Variants in GABRB1 observed in about 807,000 individuals in gnomAD.
The protein encoded by GABRB1 is gamma-aminobutyric acid type A receptor subunit beta1.
GABRB1 carries 17 observed loss-of-function variants against 51.6 expected under a neutral mutation model. The observed-to-expected ratio is 0.33, with a 90% confidence interval of 0.23 to 0.49. The LOEUF (loss-of-function observed/expected upper bound fraction) is 0.49, where lower values mean the gene tolerates loss of function less well. GABRB1 is among the 20% of genes least tolerant of loss of function. The pLI is 0.99. For missense variants in GABRB1, 410 were observed against 600.6 expected (o/e 0.68, Z 3.32); for synonymous variants, 247 against 218.9 (o/e 1.13, Z -1.14).
intron 3 of GABRB1, among the ~76,000 whole-genome samples, chr4:47,118,320 C>T (rs1715597357): frequency 6.6e-6 from 1 of 152,102 alleles, no homozygotes; most frequent in Non-Finnish European, 1.5e-5. Flanking sequence ...ACTAAAGAGA[C>T]TCATTCACAG....
In GABRB1 at chr4:47,080,564, T is replaced by A. The variant is rs192187888; in HGVS notation, c.240+48080T>A. 5.6e-3 allele frequency among the ~76,000 whole-genome samples: 853 copies of A among 152,180 alleles called. 7 individuals carry two copies. Among genetic ancestry groups the A allele is most frequent in the African/African-American group, 0.019 (778 of 41,512 alleles). On this transcript the variant is annotated intron_variant, in intron 3 of 8. Coordinates refer to ENST00000295454, the MANE Select transcript of GABRB1 (RefSeq NM_000812.4). ...CCTAAGTAACTCAAGTTCTTTTTTT[T>A]TAAAAAAAATTACTTTATTATGTCT...
intron 3 of GABRB1, among the ~76,000 whole-genome samples, chr4:47,045,711 A>G (rs1726054144): frequency 1.3e-5 from 2 of 151,974 alleles, no homozygotes; most frequent in African/African-American, 4.8e-5. Flanking sequence ...CTAAGGGCTC[A>G]TTTATGAGGG....
At chr4:47,333,824 T>A (rs558850031) in intron 5 of GABRB1, among the ~76,000 whole-genome samples, 1 of 152,336 alleles carries the variant, frequency 6.6e-6, no homozygotes, top group Admixed American at 6.5e-5. Flanking sequence ...TTAATCTTCA[T>A]CCCACCACAC....
chr4:47,273,941 T>C lies in GABRB1; in HGVS notation c.462-46186T>C, dbSNP rs942985765. On this transcript the variant is annotated intron_variant, in intron 4 of 8. Transcript: ENST00000295454. ...TTTTCTCTCTTCCTATGTGTGTATA[T>C]GTACACACACATACATTGAAAGATT... Among the ~76,000 whole-genome samples the C allele has an allele frequency of 2.0e-5, 3 of 151,974 alleles. No homozygotes were observed. The East Asian group carries it at 5.8e-4, about 29-fold the overall frequency.
chr4:47,117,183 TA>T, intron 3 of GABRB1, among the ~76,000 whole-genome samples: 1 of 152,356 alleles, frequency 6.6e-6, no homozygotes, highest in South Asian at 2.1e-4. Context: ...TAAAGATTTT[TA>T]TCTTTTTATG....
intron 5 of GABRB1, among the ~76,000 whole-genome samples, chr4:47,374,344 G>A (rs916596873): frequency 4.6e-5 from 7 of 152,030 alleles, no homozygotes; most frequent in South Asian, 2.1e-4. Flanking sequence ...AGTCGTGATC[G>A]TAACACTGCA....
intron 5 of GABRB1, among the ~76,000 whole-genome samples, chr4:47,386,758 T>TA (rs978012485): frequency 2.6e-5 from 4 of 152,214 alleles, no homozygotes; most frequent in African/African-American, 9.6e-5. Flanking sequence ...AACAGACACT[T>TA]AAGCTGATGA....
At chr4:47,248,830 T>C (rs991858122) in intron 4 of GABRB1, among the ~76,000 whole-genome samples, 2 of 152,112 alleles carry the variant, frequency 1.3e-5, no homozygotes, top group African/African-American at 4.8e-5. Flanking sequence ...GTCTTTCGTA[T>C]TGCAGTGGTG....
intron 8 of GABRB1, among the ~76,000 whole-genome samples, chr4:47,409,377 A>T (rs1459743343): frequency 2.0e-5 from 3 of 152,142 alleles, no homozygotes; most frequent in African/African-American, 7.2e-5. Context: ...AGTGAGATGA[A>T]TGGGGAGCTG....
In GABRB1 at chr4:47,092,706, A is replaced by C. The variant is rs185071429; in HGVS notation, c.240+60222A>C. 1.6e-3 allele frequency among the ~76,000 whole-genome samples: 243 copies of C among 150,696 alleles called. 4 individuals carry two copies. In the East Asian group the frequency reaches 0.026, roughly 16 times the overall value. On this transcript the variant is annotated intron_variant, in intron 3 of 8. Coordinates refer to ENST00000295454, the MANE Select transcript of GABRB1 (RefSeq NM_000812.4). Reference sequence around the variant, plus strand: ...TGGCTCACTGCAACCCCCACCTCCCAGGTTCAAGCAATTCTCTGCCTCAGC... The same window carrying C: ...TGGCTCACTGCAACCCCCACCTCCCCGGTTCAAGCAATTCTCTGCCTCAGC...
chr4:47,236,987 G>A (rs1023481812), intron 4 of GABRB1, among the ~76,000 whole-genome samples: 22 of 152,072 alleles, frequency 1.4e-4, no homozygotes, highest in Admixed American at 7.9e-4. Context: ...TGAAATGAAC[G>A]TATTTGGCAA....
chr4:47,390,318 A>G (rs1727941064), intron 5 of GABRB1, among the ~76,000 whole-genome samples: 1 of 152,252 alleles, frequency 6.6e-6, no homozygotes. Context: ...AACAGGACAT[A>G]AACTTATTTC....
chr4:47,019,166 A>G (rs1472522253), intron 1 of GABRB1, among the ~76,000 whole-genome samples: 1 of 152,126 alleles, frequency 6.6e-6, no homozygotes, highest in African/African-American at 2.4e-5. Context: ...TAACTTCCTT[A>G]TGGCCTCATA....
chr4:47,424,922 C>A (rs1262997608), intron 8 of GABRB1, among the ~76,000 whole-genome samples: 1 of 152,136 alleles, frequency 6.6e-6, no homozygotes, highest in Non-Finnish European at 1.5e-5. Context: ...AGTAGAGGAA[C>A]AAAAGTCAAA....
At chr4:47,373,764 G>A (rs111851306) in intron 5 of GABRB1, among the ~76,000 whole-genome samples, 34 of 152,264 alleles carry the variant, frequency 2.2e-4, no homozygotes, top group African/African-American at 6.5e-4. Context: ...GGGCTCTGAC[G>A]TCAAGAATTT....
In GABRB1 at chr4:47,139,896, G is replaced by A. The variant is rs76093535; in HGVS notation, c.241-21353G>A. On this transcript the variant is annotated intron_variant, in intron 3 of 8. Coordinates refer to ENST00000295454, the MANE Select transcript of GABRB1 (RefSeq NM_000812.4). ...ACACTTTTAATAGAAATGTTCTACAGCATTTCACAAAGAATATGAAAGTAG... is the reference window on the plus strand; with the variant it reads ...ACACTTTTAATAGAAATGTTCTACAACATTTCACAAAGAATATGAAAGTAG... Among the ~76,000 whole-genome samples the A allele has an allele frequency of 2.7e-3, 407 of 151,984 alleles. 13 individuals carry two copies. The East Asian group carries it at 0.073, about 27-fold the overall frequency.
chr4:47,391,911 AGAG>A (rs1397136979), intron 5 of GABRB1, among the ~76,000 whole-genome samples: 1 of 152,252 alleles, frequency 6.6e-6, no homozygotes, highest in Admixed American at 6.5e-5. Flanking sequence ...AATGAGGAAT[AGAG>A]AAGACAAAGG....
At chr4:47,193,122 T>G (rs1719510111) in intron 4 of GABRB1, among the ~76,000 whole-genome samples, 1 of 146,822 alleles carries the variant, frequency 6.8e-6, no homozygotes. Context: ...GAGATATGTG[T>G]TTTTTGTTGT....
At chr4:47,150,609 A>G (rs1717397105) in intron 3 of GABRB1, among the ~76,000 whole-genome samples, 1 of 149,968 alleles carries the variant, frequency 6.7e-6, no homozygotes, top group Admixed American at 6.8e-5. Context: ...AAATAAATAT[A>G]TACTATCTTT....
Sources: allele counts gnomAD v4.1 joint callset (sites outside exome capture counted in the v4.1 genomes callset), GRCh38; gene constraint gnomAD v4.1.1; transcripts MANE v1.5; gene names NCBI Gene and HGNC (gene_info 2026-07-23, HGNC 2026-07-21).